Variants in ABCD3 observed in about 807,000 individuals in gnomAD.
ABCD3 encodes the protein ATP binding cassette subfamily D member 3.
In ABCD3, 41 loss-of-function variants were observed where a neutral mutation model predicts 105.5. The ratio of observed to expected loss-of-function variants is 0.39; its 90% confidence interval spans 0.30 to 0.50. The LOEUF is 0.50. Ranked by LOEUF, ABCD3 falls within the 20% of genes least tolerant of loss-of-function variation. ABCD3 has a pLI of 0.84. For synonymous variants in ABCD3, 258 were observed against 269.0 expected (o/e 0.96, Z 0.40); for missense variants, 622 against 806.3 (o/e 0.77, Z 2.77).
At chr1:94,385,894 A>G in the ABCD3 span, among the ~76,000 whole-genome samples, 28 of 151,500 alleles carry the variant, frequency 1.8e-4, no homozygotes, top group African/African-American at 6.5e-4. Context: ...CTTAACCATG[A>G]AAAAAAAATG....
chr1:94,393,700 A>G, the ABCD3 span, among the ~76,000 whole-genome samples: 1 of 152,192 alleles, frequency 6.6e-6, no homozygotes, highest in East Asian at 1.9e-4. Flanking sequence ...CACACACACA[A>G]AGTCAAATTC....
chr1:94,449,863 C>T (rs931927271), intron 1 of ABCD3, among the ~76,000 whole-genome samples: 6 of 152,126 alleles, frequency 3.9e-5, no homozygotes, highest in Admixed American at 6.5e-5. Context: ...GGAAACATGG[C>T]GGTATGGTGG....
At chr1:94,439,742 A>G (rs1205882092) in intron 1 of ABCD3, among the ~76,000 whole-genome samples, 2 of 152,100 alleles carry the variant, frequency 1.3e-5, no homozygotes, top group Admixed American at 1.3e-4. Context: ...TGTACTTTTT[A>G]TGGTTTCATA....
At chr1:94,515,883 C>G (rs1304949683) in intron 22 of ABCD3, among the ~76,000 whole-genome samples, 1 of 151,410 alleles carries the variant, frequency 6.6e-6, no homozygotes, top group Non-Finnish European at 1.5e-5. Flanking sequence ...CTGTCTTTCC[C>G]CCTTCCCTCT....
At chr1:94,477,308 A>G (rs961954009) in intron 7 of ABCD3, among the ~76,000 whole-genome samples, 2 of 150,332 alleles carry the variant, frequency 1.3e-5, no homozygotes, top group African/African-American at 4.9e-5. Context: ...CAAGCCATCT[A>G]TCCTAGTAAT....
the ABCD3 span, among the ~76,000 whole-genome samples, chr1:94,389,923 T>C: frequency 1.3e-5 from 2 of 152,226 alleles, no homozygotes; most frequent in African/African-American, 4.8e-5. Context: ...TTATAGTCTG[T>C]AGAATGTCAA....
At chr1:94,501,851 T>G (rs989458807) in intron 20 of ABCD3, among the ~76,000 whole-genome samples, 1 of 151,262 alleles carries the variant, frequency 6.6e-6, no homozygotes, top group Non-Finnish European at 1.5e-5. Context: ...ATTTTTAGTG[T>G]TTTTTTAATC....
chr1:94,502,308 C>G (rs1204776486), intron 20 of ABCD3, among the ~76,000 whole-genome samples: 1 of 152,146 alleles, frequency 6.6e-6, no homozygotes, highest in Non-Finnish European at 1.5e-5. Context: ...TTACTTAACC[C>G]ACTGCACTTG....
chr1:94,420,436 TA>T (rs1432350199), intron 1 of ABCD3, among the ~76,000 whole-genome samples: 3 of 152,226 alleles, frequency 2.0e-5, no homozygotes, highest in South Asian at 2.1e-4. Context: ...GTAAAATGCC[TA>T]AAAAAATTTT....
chr1:94,462,787 T>C (rs1274206787), intron 2 of ABCD3, among the ~76,000 whole-genome samples: 1 of 152,046 alleles, frequency 6.6e-6, no homozygotes, highest in Non-Finnish European at 1.5e-5. Context: ...CAGCTAGCAA[T>C]AGAGAAGGGT....
At chr1:94,405,320 T>C in the ABCD3 span, among the ~76,000 whole-genome samples, 1 of 151,736 alleles carries the variant, frequency 6.6e-6, no homozygotes, top group South Asian at 2.1e-4. Context: ...CTTTTTTTTT[T>C]TTTTTTTGAG....
rs558666007 is a variant in ABCD3, at chr1:94,481,093, A to G, written c.827+487A>G. ...ACTAGCTTCAAAATCTACCTCTTCC[A>G]CTTATCAGTTGCATGTATTTGATTT... On this transcript the variant is annotated intron_variant, in intron 9 of 22. Coordinates refer to ENST00000370214, the MANE Select transcript of ABCD3 (RefSeq NM_002858.4). Among the ~76,000 whole-genome samples the G allele has an allele frequency of 1.2e-4, 18 of 152,314 alleles. No individual in the cohort carries two copies. The South Asian group carries it at 3.5e-3, about 30-fold the overall frequency.
chr1:94,404,751 C>G, the ABCD3 span, among the ~76,000 whole-genome samples: 1 of 151,464 alleles, frequency 6.6e-6, no homozygotes, highest in Non-Finnish European at 1.5e-5. Flanking sequence ...TTTATTTTCC[C>G]TTCTTTCATA....
chr1:94,476,812 A>T (rs1248054471), intron 7 of ABCD3, among the ~76,000 whole-genome samples: 2 of 152,094 alleles, frequency 1.3e-5, no homozygotes, highest in Admixed American at 1.3e-4. Flanking sequence ...GGGAACTCTG[A>T]CAACTACAAA....
At chr1:94,443,913 C>T (rs1297547770) in intron 1 of ABCD3, among the ~76,000 whole-genome samples, 1 of 151,980 alleles carries the variant, frequency 6.6e-6, no homozygotes, top group Non-Finnish European at 1.5e-5. Context: ...GGTTATATTG[C>T]CGTATTTTTT....
At chr1:94,511,482 T>G (rs1203013050) in intron 21 of ABCD3, among the ~76,000 whole-genome samples, 4 of 152,160 alleles carry the variant, frequency 2.6e-5, no homozygotes, top group Non-Finnish European at 5.9e-5. Context: ...GGAGTTGCTC[T>G]TCTCGAGGAG....
chr1:94,412,103 G>C, the ABCD3 span, among the ~76,000 whole-genome samples: 1 of 152,112 alleles, frequency 6.6e-6, no homozygotes, highest in African/African-American at 2.4e-5. Flanking sequence ...TAAATGAACT[G>C]AATACTGCCA....
chr1:94,510,946 A>G (rs527453869), intron 21 of ABCD3, among the ~76,000 whole-genome samples: 7 of 152,150 alleles, frequency 4.6e-5, no homozygotes, highest in East Asian at 1.9e-4. Flanking sequence ...TCCTTATCCA[A>G]TTTGCCAGTC....
chr1:94,514,148 G>C (rs1650817187), intron 21 of ABCD3: 1 of 152,038 alleles, frequency 6.6e-6, no homozygotes, highest in African/African-American at 2.4e-5. Flanking sequence ...TGCCAGCCTT[G>C]AGTGATCCAC....
Sources: allele counts gnomAD v4.1 joint callset (sites outside exome capture counted in the v4.1 genomes callset), GRCh38; gene constraint gnomAD v4.1.1; transcripts MANE v1.5; gene names NCBI Gene and HGNC (gene_info 2026-07-23, HGNC 2026-07-21).